ASXL3: variants seen among roughly 807,000 people sequenced by gnomAD.
ASXL3 encodes the protein ASXL transcriptional regulator 3.
In ASXL3, 34 loss-of-function variants were observed where a neutral mutation model predicts 170.6. The ratio of observed to expected loss-of-function variants is 0.20; its 90% CI spans 0.15 to 0.27. The LOEUF (loss-of-function observed/expected upper bound fraction) is 0.27, where lower values mean the gene tolerates loss of function less well. Among genes scored for constraint, ASXL3 ranks in the 10% least tolerant of loss-of-function variants. The probability of loss-of-function intolerance (pLI) is 1.00; values close to 1 mark genes in which losing one functional copy is unlikely to be tolerated. For missense variants in ASXL3, 2,592 were observed against 2,695.3 expected, an observed-to-expected ratio of 0.96 and a Z score of 0.85; for synonymous variants, 1,002 against 989.1, an observed-to-expected ratio of 1.01 and a Z score of -0.24.
intron 2 of ASXL3, among the ~76,000 whole-genome samples, chr18:33,610,402 GT>G (rs1438962882): frequency 6.6e-6 from 1 of 151,968 alleles, no homozygotes; most frequent in East Asian, 1.9e-4. Flanking sequence ...GAAAGGTAAT[GT>G]TTTAATGGTC....
At chr18:33,632,139 A>G (rs1488964757) in intron 2 of ASXL3, among the ~76,000 whole-genome samples, 1 of 152,184 alleles carries the variant, frequency 6.6e-6, no homozygotes, top group Non-Finnish European at 1.5e-5. Flanking sequence ...ATAGCTTCCT[A>G]CTTACAGGTT....
rs778560788 is a variant in ASXL3, at chr18:33,670,809, A to G, written c.595+19A>G. ...CCTTCAGGTAAAGAGCTGAAATATC[A>G]TATGCTTGGCCAGTTTCTTCCTGGA... On this transcript the variant is annotated intron_variant, in intron 6 of 11. Coordinates refer to ENST00000269197, the MANE Select transcript of ASXL3 (RefSeq NM_030632.3). The G allele has an allele frequency of 2.4e-5, 35 of 1,475,966 alleles. No individual in the cohort carries two copies. Among genetic ancestry groups the G allele is most frequent in the Non-Finnish European group, 3.1e-5 (34 of 1,094,326 alleles). The allele number at this position is 1,475,966 out of a possible 1,614,324, so 91.4% of individuals were successfully genotyped here. A position where few individuals can be genotyped will look rare whatever the true frequency, so the allele number is the denominator to read the frequency against.
chr18:33,686,686 G>A (rs1254156004), intron 8 of ASXL3, among the ~76,000 whole-genome samples: 1 of 152,164 alleles, frequency 6.6e-6, no homozygotes, highest in Non-Finnish European at 1.5e-5. Flanking sequence ...TTCTGCTGAG[G>A]GGGAATATAG....
At chr18:33,589,970 T>G (rs912953942) in intron 1 of ASXL3, among the ~76,000 whole-genome samples, 1 of 152,098 alleles carries the variant, frequency 6.6e-6, no homozygotes. Flanking sequence ...TTAGTTGAGT[T>G]TCTCCCGGTT....
At chr18:33,626,148 T>C (rs908864769) in intron 2 of ASXL3, among the ~76,000 whole-genome samples, 10 of 152,172 alleles carry the variant, frequency 6.6e-5, no homozygotes, top group African/African-American at 2.2e-4. Flanking sequence ...AAATACTCTA[T>C]GTAATGTCTA....
In ASXL3 at chr18:33,746,909, G is replaced by A. The variant is rs964556191; in HGVS notation, c.*314G>A. 1 of 248,608 alleles carries A rather than the reference G, an allele frequency of 4.0e-6. No individual in the cohort carries two copies. The highest frequency in any genetic ancestry group is 7.6e-6 in the Non-Finnish European group (1 of 131,490). The allele number at this position is 248,608 out of a possible 1,614,324, so 15.4% of individuals were successfully genotyped here. On this transcript the variant is annotated 3_prime_UTR_variant, in exon 12 of 12. Coordinates refer to ENST00000269197, the MANE Select transcript of ASXL3 (RefSeq NM_030632.3). Reference sequence around the variant, plus strand: ...TTTAACCGAGGTGTAGATAGGAAAAGGACATTTTTAATTACTTAATAACCG... The same window carrying A: ...TTTAACCGAGGTGTAGATAGGAAAAAGACATTTTTAATTACTTAATAACCG...
In ASXL3 at chr18:33,677,261, A is replaced by G. The variant is rs116049754; in HGVS notation, c.715+5395A>G. ...AATAAATCAAAGCATAAATATAAAA[A>G]TAAAGTTTGAATAATAACCCCACAT... On this transcript the variant is annotated intron_variant, in intron 7 of 11. Coordinates refer to ENST00000269197, the MANE Select transcript of ASXL3 (RefSeq NM_030632.3). 6.6e-3 allele frequency among the ~76,000 whole-genome samples: 1,008 copies of G among 152,334 alleles called. 13 individuals carry two copies. Among genetic ancestry groups the G allele is most frequent in the African/African-American group, 0.023 (955 of 41,582 alleles).
At chr18:33,653,757 G>T (rs187405057) in intron 4 of ASXL3, among the ~76,000 whole-genome samples, 2 of 152,082 alleles carry the variant, frequency 1.3e-5, no homozygotes, top group African/African-American at 2.4e-5. Flanking sequence ...GATAGAAATC[G>T]CACAGTCCCC....
chr18:33,731,123 G>A (rs143903488), intron 8 of ASXL3, among the ~76,000 whole-genome samples: 260 of 152,262 alleles, frequency 1.7e-3, no homozygotes, highest in African/African-American at 5.9e-3. Context: ...ACTGAAACAT[G>A]CATGAAGGCA....
chr18:33,695,397 C>T (rs1397731895), intron 8 of ASXL3, among the ~76,000 whole-genome samples: 1 of 152,004 alleles, frequency 6.6e-6, no homozygotes, highest in Non-Finnish European at 1.5e-5. Flanking sequence ...ATATTCTGGC[C>T]AATCATGCTT....
chr18:33,715,290 C>G (rs1457193732), intron 8 of ASXL3, among the ~76,000 whole-genome samples: 1 of 152,180 alleles, frequency 6.6e-6, no homozygotes, highest in Non-Finnish European at 1.5e-5. Flanking sequence ...CATTTACCTG[C>G]TTCCAAACTA....
At chr18:33,704,486 T>C (rs1303990681) in intron 8 of ASXL3, among the ~76,000 whole-genome samples, 1 of 152,050 alleles carries the variant, frequency 6.6e-6, no homozygotes, top group Non-Finnish European at 1.5e-5. Context: ...ATCACAATAA[T>C]ACAAATGCAT....
At chr18:33,585,735 A>T (rs2065029377) in intron 1 of ASXL3, among the ~76,000 whole-genome samples, 2 of 152,250 alleles carry the variant, frequency 1.3e-5, no homozygotes, top group Admixed American at 1.3e-4. Context: ...CTTTGGAGGA[A>T]CTTTTAGAAT....
At chr18:33,594,700 G>A (rs1200143318) in intron 1 of ASXL3, among the ~76,000 whole-genome samples, 1 of 152,080 alleles carries the variant, frequency 6.6e-6, no homozygotes, top group Non-Finnish European at 1.5e-5. Context: ...ACATCAAGAA[G>A]CATGTAGAAA....
chr18:33,606,513 C>G (rs1428271790), intron 1 of ASXL3, among the ~76,000 whole-genome samples: 1 of 151,968 alleles, frequency 6.6e-6, no homozygotes, highest in Admixed American at 6.6e-5. Context: ...TGGTTATTGA[C>G]AGTATAAGAG....
chr18:33,672,784 AT>A (rs911059098), intron 7 of ASXL3, among the ~76,000 whole-genome samples: 76 of 151,552 alleles, frequency 5.0e-4, no homozygotes, highest in African/African-American at 7.7e-4. Flanking sequence ...ATTTTATCTG[AT>A]TTTTTTTTAG....
chr18:33,627,386 T>G (rs1349943216), intron 2 of ASXL3, among the ~76,000 whole-genome samples: 4 of 152,188 alleles, frequency 2.6e-5, no homozygotes, highest in Non-Finnish European at 5.9e-5. Context: ...TCTGTCTGAA[T>G]TAACAGTTTG....
intron 5 of ASXL3, among the ~76,000 whole-genome samples, chr18:33,669,256 C>A (rs986028114): frequency 1.6e-4 from 24 of 152,016 alleles, no homozygotes; most frequent in Non-Finnish European, 7.4e-5. Context: ...ACACATATGT[C>A]CTCATTAAAT....
At chr18:33,694,842 C>T (rs1267383358) in intron 8 of ASXL3, among the ~76,000 whole-genome samples, 1 of 152,070 alleles carries the variant, frequency 6.6e-6, no homozygotes, top group African/African-American at 2.4e-5. Flanking sequence ...TAAAATGGAA[C>T]ATTTACACAG....
Sources: gnomAD v4.1 joint callset for allele counts (sites outside exome capture counted in the v4.1 genomes callset) on GRCh38, gnomAD v4.1.1 for gene constraint, MANE v1.5 for transcripts, NCBI Gene and HGNC (gene_info 2026-07-23, HGNC 2026-07-21) for gene names.